HEMK2: variants seen among roughly 807,000 people sequenced by gnomAD.
The protein encoded by HEMK2 is HemK methyltransferase 2, ETF1 glutamine and histone H4 lysine, also known as methyltransferase HEMK2.
the HEMK2 span, among the ~76,000 whole-genome samples, chr21:28,879,311 C>T: frequency 6.6e-5 from 10 of 152,216 alleles, no homozygotes; most frequent in East Asian, 1.9e-3. Context: ...GGCTTGATCT[C>T]AGCTCACTGC....
chr21:28,752,848 C>T, the HEMK2 span, among the ~76,000 whole-genome samples: 1 of 152,198 alleles, frequency 6.6e-6, no homozygotes, highest in Non-Finnish European at 1.5e-5. Context: ...GCCAGGAGCA[C>T]CCCACTGTCA....
chr21:28,689,934 G>A, the HEMK2 span, among the ~76,000 whole-genome samples: 50 of 152,070 alleles, frequency 3.3e-4, 1 homozygote, highest in African/African-American at 1.0e-3. Context: ...ATTTACACAC[G>A]GCTAATAAAG....
At chr21:28,811,015 T>G in the HEMK2 span, among the ~76,000 whole-genome samples, 1 of 152,144 alleles carries the variant, frequency 6.6e-6, no homozygotes, top group African/African-American at 2.4e-5. Context: ...ATGAAAAGGC[T>G]AAGTTGTGCA....
chr21:28,781,357 G>A, the HEMK2 span, among the ~76,000 whole-genome samples: 1 of 152,060 alleles, frequency 6.6e-6, no homozygotes, highest in Non-Finnish European at 1.5e-5. Flanking sequence ...ACTTCTCCCA[G>A]AAGGATCATT....
the HEMK2 span, among the ~76,000 whole-genome samples, chr21:28,726,016 GCTTAT>G: frequency 0.14 from 21,433 of 152,042 alleles, 1,673 homozygotes; most frequent in East Asian, 0.3. Context: ...AAATGTACAT[GCTTAT>G]CTTGTTTTAT....
chr21:28,636,824 C>T, the HEMK2 span, among the ~76,000 whole-genome samples: 4 of 152,254 alleles, frequency 2.6e-5, no homozygotes, highest in Admixed American at 6.5e-5. Context: ...GCAGAGAGTA[C>T]GACTCCATCA....
chr21:28,724,469 G>A, the HEMK2 span, among the ~76,000 whole-genome samples: 3 of 152,136 alleles, frequency 2.0e-5, no homozygotes, highest in Non-Finnish European at 4.4e-5. Context: ...GAAAGCTAAG[G>A]GGGAAAACCT....
chr21:28,658,930 G>T, the HEMK2 span, among the ~76,000 whole-genome samples: 3 of 152,008 alleles, frequency 2.0e-5, no homozygotes. Flanking sequence ...ATTAGCTAAA[G>T]TTCCAAAGTC....
chr21:28,832,275 T>A, the HEMK2 span, among the ~76,000 whole-genome samples: 3 of 152,172 alleles, frequency 2.0e-5, no homozygotes, highest in Non-Finnish European at 4.4e-5. Context: ...TGTTTCAGGA[T>A]GTGGTTTTAG....
chr21:28,819,625 C>A, the HEMK2 span, among the ~76,000 whole-genome samples: 1 of 147,094 alleles, frequency 6.8e-6, no homozygotes, highest in African/African-American at 2.5e-5. Flanking sequence ...CGGCTCACTG[C>A]AACCTCTGCC....
chr21:28,696,754 G>C, the HEMK2 span, among the ~76,000 whole-genome samples: 1 of 152,236 alleles, frequency 6.6e-6, no homozygotes, highest in Non-Finnish European at 1.5e-5. Flanking sequence ...ACTCTACCTA[G>C]ACATCCAGGA....
chr21:28,818,018 T>C, the HEMK2 span, among the ~76,000 whole-genome samples: 1 of 152,190 alleles, frequency 6.6e-6, no homozygotes, highest in Admixed American at 6.5e-5. Context: ...CTTAACAGGA[T>C]TGAAGCATGC....
the HEMK2 span, among the ~76,000 whole-genome samples, chr21:28,658,997 A>G: frequency 6.6e-6 from 1 of 152,118 alleles, no homozygotes; most frequent in Non-Finnish European, 1.5e-5. Context: ...TATAATCTCA[A>G]ACATTTGCTG....
chr21:28,813,228 T>G, the HEMK2 span, among the ~76,000 whole-genome samples: 3 of 152,304 alleles, frequency 2.0e-5, no homozygotes, highest in African/African-American at 7.2e-5. Flanking sequence ...CAAATCTCCT[T>G]AAGCTGATAA....
the HEMK2 span, among the ~76,000 whole-genome samples, chr21:28,637,843 TTC>T: frequency 3.3e-5 from 5 of 152,172 alleles, no homozygotes; most frequent in Middle Eastern, 3.2e-3. Context: ...AGAAAAAAAA[TTC>T]TCTGTGTTCT....
At chr21:28,680,417 C>G in the HEMK2 span, among the ~76,000 whole-genome samples, 1 of 152,066 alleles carries the variant, frequency 6.6e-6, no homozygotes, top group African/African-American at 2.4e-5. Context: ...TAATAGTTTA[C>G]CAACCAAAAA....
At chr21:28,773,196 C>A in the HEMK2 span, among the ~76,000 whole-genome samples, 1 of 152,088 alleles carries the variant, frequency 6.6e-6, no homozygotes, top group African/African-American at 2.4e-5. Flanking sequence ...CAGATTGGGA[C>A]CACACCAAAT....
At chr21:28,584,663 G>A in the HEMK2 span, among the ~76,000 whole-genome samples, 1 of 152,150 alleles carries the variant, frequency 6.6e-6, no homozygotes, top group Non-Finnish European at 1.5e-5. Flanking sequence ...TGGTGGAATG[G>A]TGATCAGTGG....
chr21:28,738,894 C>T, the HEMK2 span, among the ~76,000 whole-genome samples: 1 of 152,178 alleles, frequency 6.6e-6, no homozygotes, highest in Admixed American at 6.5e-5. Flanking sequence ...AGTTGGTGTC[C>T]GTGGGCAGCT....
Sources: gnomAD v4.1 joint callset for allele counts (sites outside exome capture counted in the v4.1 genomes callset) on GRCh38, gnomAD v4.1.1 for gene constraint, MANE v1.5 for transcripts, NCBI Gene and HGNC (gene_info 2026-07-23, HGNC 2026-07-21) for gene names.